RBFOX1: variants seen among roughly 807,000 people sequenced by gnomAD.
RBFOX1 encodes the protein RNA binding protein fox-1 homolog 1.
A neutral mutation model predicts 57.7 loss-of-function variants in RBFOX1; 8 were observed. That is an observed-to-expected ratio of 0.14 (90% CI 0.08 to 0.25). The LOEUF (loss-of-function observed/expected upper bound fraction) is 0.25, where lower values mean the gene tolerates loss of function less well. RBFOX1 is among the 10% of genes least tolerant of loss of function. The pLI is 1.00. For missense variants in RBFOX1, 611 were observed against 548.5 expected, an observed-to-expected ratio of 1.11 and a Z score of -1.14; for synonymous variants, 326 against 222.4, an observed-to-expected ratio of 1.47 and a Z score of -4.15.
At chr16:6,311,132 TA>T (rs1420807819) in intron 1 of RBFOX1, among the ~76,000 whole-genome samples, 1 of 151,086 alleles carries the variant, frequency 6.6e-6, no homozygotes, top group Non-Finnish European at 1.5e-5. Context: ...CTGTCTCTAC[TA>T]AAAATACAAA....
intron 4 of RBFOX1, among the ~76,000 whole-genome samples, chr16:7,404,027 C>CATTT (rs1278332849): frequency 2.0e-5 from 1 of 49,036 alleles, no homozygotes; most frequent in Non-Finnish European, 5.5e-5. Context: ...GATTTCATTT[C>CATTT]CTTTTATTTT....
intron 2 of RBFOX1, among the ~76,000 whole-genome samples, chr16:6,571,156 G>T (rs11863423): frequency 2.6e-5 from 4 of 152,108 alleles, no homozygotes; most frequent in African/African-American, 4.8e-5. Flanking sequence ...CATATAGCCC[G>T]TAATTTGTTT....
intron 1 of RBFOX1, among the ~76,000 whole-genome samples, chr16:6,213,177 A>T (rs766170116): frequency 1.3e-5 from 2 of 152,104 alleles, no homozygotes; most frequent in Non-Finnish European, 2.9e-5. Flanking sequence ...AAATACAGAA[A>T]CTATATATTT....
chr16:6,422,445 G>A (rs1236625502), intron 2 of RBFOX1, among the ~76,000 whole-genome samples: 1 of 151,848 alleles, frequency 6.6e-6, no homozygotes, highest in Non-Finnish European at 1.5e-5. Context: ...CCCATCTTAT[G>A]CCCATGTATT....
intron 4 of RBFOX1, among the ~76,000 whole-genome samples, chr16:7,159,188 G>A (rs1238202889): frequency 6.6e-5 from 10 of 152,144 alleles, no homozygotes; most frequent in Admixed American, 4.6e-4. Flanking sequence ...TGTTGCATGT[G>A]CTAATAGTTG....
intron 4 of RBFOX1, among the ~76,000 whole-genome samples, chr16:7,301,417 T>A (rs1568104791): frequency 6.6e-6 from 1 of 152,194 alleles, no homozygotes; most frequent in African/African-American, 2.4e-5. Context: ...TGTTGTACTT[T>A]GCAGATCTTC....
chr16:6,313,181 G>T (rs72778224), intron 1 of RBFOX1, among the ~76,000 whole-genome samples: 48,092 of 151,966 alleles, frequency 0.32, 8,094 homozygotes, highest in Middle Eastern at 0.41. Flanking sequence ...CCGGGACTGG[G>T]GGGAAGTGTG....
At chr16:6,853,850 T>C (rs2057305974) in intron 3 of RBFOX1, among the ~76,000 whole-genome samples, 1 of 152,078 alleles carries the variant, frequency 6.6e-6, no homozygotes, top group Non-Finnish European at 1.5e-5. Flanking sequence ...TGGTGACAAA[T>C]GATGAGTATG....
At chr16:7,068,217 C>G (rs1001286288) in intron 4 of RBFOX1, among the ~76,000 whole-genome samples, 4 of 152,138 alleles carry the variant, frequency 2.6e-5, no homozygotes, top group Admixed American at 6.5e-5. Context: ...ATACATAGAT[C>G]TAAGATCAGC....
intron 2 of RBFOX1, among the ~76,000 whole-genome samples, chr16:6,611,514 C>T (rs928209059): frequency 6.6e-6 from 1 of 152,118 alleles, no homozygotes; most frequent in Non-Finnish European, 1.5e-5. Flanking sequence ...GCTCTTTGCC[C>T]CCGTGTGATT....
intron 4 of RBFOX1, among the ~76,000 whole-genome samples, chr16:7,376,492 T>A (rs2097688234): frequency 6.6e-6 from 1 of 152,160 alleles, no homozygotes; most frequent in Non-Finnish European, 1.5e-5. Context: ...GATTAGAAGT[T>A]GGTGAGTGTT....
chr16:5,419,180 A>G (rs1365239403), intron 1 of RBFOX1, among the ~76,000 whole-genome samples: 1 of 152,180 alleles, frequency 6.6e-6, no homozygotes, highest in South Asian at 2.1e-4. Flanking sequence ...AACAGAACTA[A>G]TCAGATAGAT....
intron 3 of RBFOX1, among the ~76,000 whole-genome samples, chr16:5,856,233 ATATATGTGTATATATATG>A (rs1567631230): frequency 8.8e-5 from 5 of 56,948 alleles, no homozygotes; most frequent in African/African-American, 3.0e-4. Flanking sequence ...ATATATGTAT[ATATATGTGTATATATATG>A]TATATATATG....
At chr16:6,969,399 C>A (rs1304173186) in intron 3 of RBFOX1, among the ~76,000 whole-genome samples, 5 of 150,226 alleles carry the variant, frequency 3.3e-5, no homozygotes, top group South Asian at 4.2e-4. Context: ...GTTCATGATG[C>A]ATATTTCACA....
chr16:5,548,175 ATATATATATATATAT>A (rs1169651645), intron 2 of RBFOX1, among the ~76,000 whole-genome samples: 2 of 28,272 alleles, frequency 7.1e-5, no homozygotes, highest in African/African-American at 1.6e-4. Context: ...AAAAAAAAAA[ATATATATATATATAT>A]ATATATATAT....
intron 13 of RBFOX1, among the ~76,000 whole-genome samples, chr16:7,670,636 C>A (rs906375172): frequency 2.0e-5 from 3 of 152,120 alleles, no homozygotes; most frequent in African/African-American, 7.2e-5. Flanking sequence ...AGAATGTTAT[C>A]AGGCATCGCT....
chr16:7,134,147 T>A (rs553445060), intron 4 of RBFOX1, among the ~76,000 whole-genome samples: 1 of 152,138 alleles, frequency 6.6e-6, no homozygotes, highest in Non-Finnish European at 1.5e-5. Flanking sequence ...AAAACGGTGG[T>A]CAGCAGAGAG....
chr16:5,788,577 C>A (rs141357161), intron 3 of RBFOX1, among the ~76,000 whole-genome samples: 2 of 152,048 alleles, frequency 1.3e-5, no homozygotes, highest in East Asian at 3.9e-4. Context: ...TGCAGTGAGC[C>A]GGGATCGTGC....
At chr16:6,548,527 AT>A (rs1420761692) in intron 2 of RBFOX1, among the ~76,000 whole-genome samples, 1 of 152,172 alleles carries the variant, frequency 6.6e-6, no homozygotes, top group Non-Finnish European at 1.5e-5. Flanking sequence ...GAAAAAAGAA[AT>A]TTTTTTAAGT....
Sources: gnomAD v4.1 joint callset for allele counts (sites outside exome capture counted in the v4.1 genomes callset) on GRCh38, gnomAD v4.1.1 for gene constraint, MANE v1.5 for transcripts, NCBI Gene and HGNC (gene_info 2026-07-23, HGNC 2026-07-21) for gene names.